The following SPAG16 variants were observed in gnomAD, a reference collection of about 807,000 sequenced individuals.
SPAG16 encodes the protein sperm-associated antigen 16 protein.
A neutral mutation model predicts 80.4 loss-of-function variants in SPAG16; 86 were observed. The observed-to-expected ratio is 1.07, with a 90% CI of 0.90 to 1.28. The LOEUF is 1.28. Among genes scored for constraint, SPAG16 ranks in the 50% most tolerant of loss-of-function variants. The pLI, the probability that SPAG16 is intolerant of heterozygous loss-of-function variation, is 0.00. For synonymous variants in SPAG16, 294 were observed against 265.9 expected, an observed-to-expected ratio of 1.11 and a Z score of -1.03; for missense variants, 870 against 765.3, an observed-to-expected ratio of 1.14 and a Z score of -1.61.
intron 10 of SPAG16, among the ~76,000 whole-genome samples, chr2:213,847,720 G>A (rs555945574): frequency 6.6e-6 from 1 of 152,158 alleles, no homozygotes; most frequent in Non-Finnish European, 1.5e-5. Context: ...GTAGTGAGAG[G>A]ACAACAGGAT....
chr2:213,593,040 A>G (rs1369581100), intron 10 of SPAG16, among the ~76,000 whole-genome samples: 1 of 150,218 alleles, frequency 6.7e-6, no homozygotes, highest in Non-Finnish European at 1.5e-5. Context: ...TCTTGCTTTT[A>G]TCTGATTAGG....
Position 214,335,919 on chromosome 2 carries a change from C to T in SPAG16, c.1721-74221C>T, listed in dbSNP as rs1033265414. Among the ~76,000 whole-genome samples the T allele has an allele frequency of 2.6e-5, 4 of 151,970 alleles. No individual in the cohort carries two copies. The South Asian group carries it at 8.3e-4, about 32-fold the overall frequency. On this transcript the variant is annotated intron_variant, in intron 15 of 15. Coordinates refer to ENST00000331683, the MANE Select transcript of SPAG16 (RefSeq NM_024532.5). Reference sequence around the variant, plus strand: ...GCCTACAGGTACCCACCACCACACCCCCTAATTTTTTGTATTTTTAGTAGA... The same window carrying T: ...GCCTACAGGTACCCACCACCACACCTCCTAATTTTTTGTATTTTTAGTAGA...
At chr2:213,914,500 C>T (rs7559872) in intron 11 of SPAG16, among the ~76,000 whole-genome samples, 28 of 152,116 alleles carry the variant, frequency 1.8e-4, no homozygotes, top group African/African-American at 5.8e-4. Context: ...ATATAGTATA[C>T]GCTTTCTAAC....
At chr2:213,311,588 A>T (rs1195744201) in intron 4 of SPAG16, among the ~76,000 whole-genome samples, 1 of 151,702 alleles carries the variant, frequency 6.6e-6, no homozygotes, top group Non-Finnish European at 1.5e-5. Flanking sequence ...TAAGCATACT[A>T]GTCATAAGAT....
intron 12 of SPAG16, among the ~76,000 whole-genome samples, chr2:213,962,728 C>T (rs983432940): frequency 1.3e-5 from 2 of 152,206 alleles, no homozygotes; most frequent in African/African-American, 4.8e-5. Context: ...CTAATTCAAT[C>T]GCTTTACTCA....
In SPAG16 at chr2:214,335,101, A is replaced by G. The variant is rs142196020; in HGVS notation, c.1721-75039A>G. ...TGCAACAGAGGCCTCAGCTGATCCT[A>G]TAGGAAGTTTTGAAGCTGCGGTGGC... On this transcript the variant is annotated intron_variant, in intron 15 of 15. Coordinates refer to ENST00000331683, the MANE Select transcript of SPAG16 (RefSeq NM_024532.5). 2.0e-3 allele frequency among the ~76,000 whole-genome samples: 305 copies of G among 152,328 alleles called. 1 individual carries two copies. Among genetic ancestry groups the G allele is most frequent in the African/African-American group, 6.8e-3 (283 of 41,576 alleles).
chr2:213,410,030 T>C (rs1219608326), intron 9 of SPAG16, among the ~76,000 whole-genome samples: 1 of 151,994 alleles, frequency 6.6e-6, no homozygotes, highest in African/African-American at 2.4e-5. Flanking sequence ...TTAGCGATCC[T>C]GGGAAGGACC....
intron 9 of SPAG16, among the ~76,000 whole-genome samples, chr2:213,429,028 G>T (rs1475747418): frequency 6.6e-6 from 1 of 151,652 alleles, no homozygotes; most frequent in Non-Finnish European, 1.5e-5. Context: ...GGAGGCAGGG[G>T]TTGCAGTGAG....
intron 5 of SPAG16, among the ~76,000 whole-genome samples, chr2:213,318,626 T>G (rs891912733): frequency 4.6e-5 from 7 of 151,856 alleles, no homozygotes; most frequent in Non-Finnish European, 1.0e-4. Flanking sequence ...CTTTTACCCC[T>G]TAATCTATAA....
At chr2:214,351,844 AT>A (rs1353698879) in intron 15 of SPAG16, among the ~76,000 whole-genome samples, 1 of 151,840 alleles carries the variant, frequency 6.6e-6, no homozygotes, top group African/African-American at 2.4e-5. Context: ...CACAAAAAAA[AT>A]ATACTGTCTT....
At chr2:213,645,883 C>T (rs901359837) in intron 10 of SPAG16, among the ~76,000 whole-genome samples, 5 of 152,200 alleles carry the variant, frequency 3.3e-5, no homozygotes, top group Non-Finnish European at 7.3e-5. Flanking sequence ...GAGACAAGAG[C>T]GCTGTAGCCA....
In SPAG16 at chr2:213,757,641, C is replaced by T. The variant is rs533270350; in HGVS notation, c.1071-104844C>T. Among the ~76,000 whole-genome samples the T allele has an allele frequency of 4.6e-5, 7 of 152,122 alleles. No homozygotes were observed. In the South Asian group the frequency reaches 6.2e-4, roughly 14 times the overall value. Reference sequence around the variant, plus strand: ...AACTTCTAGGGGAAAGCTTGCATGGCGAATTATGATTAATTTCAGTCAATT... The same window carrying T: ...AACTTCTAGGGGAAAGCTTGCATGGTGAATTATGATTAATTTCAGTCAATT... On this transcript the variant is annotated intron_variant, in intron 10 of 15. Coordinates refer to ENST00000331683, the MANE Select transcript of SPAG16 (RefSeq NM_024532.5).
At chr2:213,457,834 A>T (rs2072123011) in intron 9 of SPAG16, among the ~76,000 whole-genome samples, 1 of 152,030 alleles carries the variant, frequency 6.6e-6, no homozygotes, top group South Asian at 2.1e-4. Context: ...ACATATTGGG[A>T]TAAATTTTAC....
intron 8 of SPAG16, among the ~76,000 whole-genome samples, chr2:213,369,848 A>T (rs1302568417): frequency 3.9e-5 from 6 of 152,110 alleles, no homozygotes; most frequent in Admixed American, 3.9e-4. Context: ...CCCTATTATC[A>T]GCATCCCCTA....
chr2:213,488,413 G>C (rs1575725098), intron 9 of SPAG16, among the ~76,000 whole-genome samples: 1 of 152,054 alleles, frequency 6.6e-6, no homozygotes, highest in Non-Finnish European at 1.5e-5. Context: ...TACACTTCTA[G>C]TACTATGCTT....
intron 10 of SPAG16, among the ~76,000 whole-genome samples, chr2:213,617,672 G>GC (rs1409918770): frequency 6.6e-6 from 1 of 152,028 alleles, no homozygotes; most frequent in African/African-American, 2.4e-5. Flanking sequence ...AATGAGCAAG[G>GC]CATAGTGGCA....
intron 10 of SPAG16, among the ~76,000 whole-genome samples, chr2:213,518,263 G>C (rs2075520798): frequency 6.6e-6 from 1 of 152,136 alleles, no homozygotes; most frequent in Non-Finnish European, 1.5e-5. Flanking sequence ...TCGTACACCA[G>C]GCAGAATGGC....
chr2:213,643,338 G>T (rs1412938784), intron 10 of SPAG16, among the ~76,000 whole-genome samples: 1 of 92,986 alleles, frequency 1.1e-5, no homozygotes, highest in Non-Finnish European at 2.1e-5. Flanking sequence ...AGATGTATTG[G>T]ATCTTAATTT....
At chr2:213,985,352 C>T (rs1004458582) in intron 12 of SPAG16, among the ~76,000 whole-genome samples, 4 of 151,914 alleles carry the variant, frequency 2.6e-5, no homozygotes, top group Admixed American at 1.3e-4. Flanking sequence ...CTTGGTAGCA[C>T]AAATTCTATG....
Sources: allele counts gnomAD v4.1 joint callset (sites outside exome capture counted in the v4.1 genomes callset), GRCh38; gene constraint gnomAD v4.1.1; transcripts MANE v1.5; gene names NCBI Gene and HGNC (gene_info 2026-07-23, HGNC 2026-07-21).